NINL: variants seen among roughly 807,000 people sequenced by gnomAD.
NINL encodes ninein-like protein.
Under a neutral mutation model 160.3 loss-of-function variants are expected in NINL, and 153 were observed. The ratio of observed to expected loss-of-function variants is 0.95; its 90% confidence interval spans 0.84 to 1.09. The LOEUF is 1.09. Among genes scored for constraint, NINL ranks in the 50% least tolerant of loss-of-function variants. NINL has a pLI of 0.00. For synonymous variants in NINL, 800 were observed against 734.8 expected, an observed-to-expected ratio of 1.09 and a Z score of -1.43; for missense variants, 1,829 against 1,764.0, an observed-to-expected ratio of 1.04 and a Z score of -0.66.
chr20:25,457,504 G>A (rs979779651), intron 22 of NINL, among the ~76,000 whole-genome samples: 1 of 152,118 alleles, frequency 6.6e-6, no homozygotes, highest in African/African-American at 2.4e-5. Context: ...TCTTCTAGGG[G>A]GATTCTCCTT....
chr20:25,515,721 G>C (rs2064148766), intron 3 of NINL, among the ~76,000 whole-genome samples: 1 of 152,106 alleles, frequency 6.6e-6, no homozygotes, highest in Non-Finnish European at 1.5e-5. Flanking sequence ...TTTTGTGACA[G>C]TGAGTGAGTT....
At chr20:25,479,333 GC>G in intron 15 of NINL, 127 bp from the exon 16 acceptor site, 1 of 1,224,626 alleles carries the variant, frequency 8.2e-7, no homozygotes, top group Non-Finnish European at 1.1e-6. Flanking sequence ...CTGCCGAGGT[GC>G]CAGGGTGTGC....
intron 23 of NINL, among the ~76,000 whole-genome samples, chr20:25,454,517 C>T (rs557805104): frequency 1.4e-4 from 22 of 152,272 alleles, no homozygotes; most frequent in Admixed American, 9.2e-4. Flanking sequence ...TGGGCAAGGA[C>T]GGGTGGCCCC....
rs758698114 is a variant in NINL at position 25,526,570 on chromosome 20, G to C, written c.18C>G (p.Asn6Lys). 2.5e-6 allele frequency: 4 copies of C among 1,614,062 alleles called. No homozygotes were observed. The highest frequency in any genetic ancestry group is 8.5e-7 in the Non-Finnish European group (1 of 1,179,912). MDEEE[N>K]HYVSQLREVY... ...CTTCCCTGAGCTGCGAGACATAGTG[G>C]TTCTCTTCTTCATCCATCCCATAGC... is the stretch of plus-strand genomic sequence containing the variant. The change falls in exon 2 of 24, where the codon AAC becomes AAG. Residue 6 changes from asparagine to lysine, a missense_variant. By Grantham distance (94) the Asn-to-Lys change is moderately conservative (BLOSUM62 0). Coordinates refer to ENST00000278886, the MANE Select transcript of NINL (RefSeq NM_025176.6).
chr20:25,500,965 C>CGAGG lies in NINL; in HGVS notation c.903_906dup (p.Val303ProfsTer15). 1 of 1,614,188 alleles carries CGAGG rather than the reference C, an allele frequency of 6.2e-7. No homozygotes were observed. The highest frequency in any genetic ancestry group is 8.5e-7 in the Non-Finnish European group (1 of 1,180,042). On this transcript the variant is annotated frameshift_variant, in exon 8 of 24. Coordinates refer to ENST00000278886, the MANE Select transcript of NINL (RefSeq NM_025176.6). LOFTEE classifies it high-confidence loss of function. The stretch of plus-strand genomic sequence containing the variant: ...AGGCGCAGGCTGGAGCACAGGGACA[C>CGAGG]GAGGGATGAGGTTGTGGTGGTGTGG...
chr20:25,527,014 A>T (rs1263387317), intron 1 of NINL, among the ~76,000 whole-genome samples: 2 of 152,206 alleles, frequency 1.3e-5, no homozygotes, highest in African/African-American at 4.8e-5. Context: ...TGGGCAGCAG[A>T]GTGAAACCCT....
intron 16 of NINL, among the ~76,000 whole-genome samples, chr20:25,477,503 C>T (rs1452481211): frequency 1.3e-5 from 2 of 152,208 alleles, no homozygotes; most frequent in Non-Finnish European, 2.9e-5. Context: ...GACCCAGAGC[C>T]AAAACTGTCC....
intron 1 of NINL, among the ~76,000 whole-genome samples, chr20:25,584,758 G>A (rs56791487): frequency 0.032 from 4,872 of 152,216 alleles, 237 homozygotes; most frequent in African/African-American, 0.11. Context: ...CAAACATACA[G>A]CCCCACACAG....
At chr20:25,564,310 C>A (rs1010267717) in intron 1 of NINL, among the ~76,000 whole-genome samples, 2 of 151,934 alleles carry the variant, frequency 1.3e-5, no homozygotes, top group African/African-American at 2.4e-5. Context: ...CTACCACACC[C>A]AGCTAATTAA....
At chr20:25,480,067 C>G in intron 15 of NINL, 94 bp downstream of exon 15, 4 of 870,924 alleles carry the variant, frequency 4.6e-6, no homozygotes, top group Non-Finnish European at 5.8e-6. Flanking sequence ...GATTCCAGGG[C>G]AGACGCATGT....
At chr20:25,505,931 T>C (rs1402295709) in intron 5 of NINL, among the ~76,000 whole-genome samples, 1 of 152,246 alleles carries the variant, frequency 6.6e-6, no homozygotes, top group African/African-American at 2.4e-5. Context: ...AAATTCTTTC[T>C]GAAGAGAACC....
intron 1 of NINL, among the ~76,000 whole-genome samples, chr20:25,548,183 G>C (rs1385225569): frequency 6.6e-6 from 1 of 152,182 alleles, no homozygotes; most frequent in East Asian, 1.9e-4. Context: ...GGGGGGTTCT[G>C]CTGCACTCCT....
chr20:25,560,059 C>T (rs2064916319), intron 1 of NINL, among the ~76,000 whole-genome samples: 1 of 152,200 alleles, frequency 6.6e-6, no homozygotes, highest in Non-Finnish European at 1.5e-5. Context: ...CGATCTTCCA[C>T]CCCAGACTCC....
intron 5 of NINL, 88 bp downstream of exon 5, chr20:25,510,586 G>C: frequency 1.8e-6 from 2 of 1,139,164 alleles, no homozygotes; most frequent in Non-Finnish European, 2.7e-6. Flanking sequence ...TTAAACTTGT[G>C]GTTGCACACT....
chr20:25,533,765 TA>T lies in NINL; in HGVS notation c.-11-7168del, dbSNP rs1247378868. Among the ~76,000 whole-genome samples the T allele has an allele frequency of 2.0e-5, 3 of 152,322 alleles. No homozygotes were observed. In the East Asian group the frequency reaches 5.8e-4, roughly 29 times the overall value. On this transcript the variant is annotated intron_variant, in intron 1 of 23. Transcript: ENST00000278886. Reference sequence around the variant, plus strand: ...TCAGTTTAACCCTTGCTTTCTACAATATACAAAAATTAACTTTTGTAAAATT... The same window carrying T: ...TCAGTTTAACCCTTGCTTTCTACAATTACAAAAATTAACTTTTGTAAAATT...
intron 10 of NINL, among the ~76,000 whole-genome samples, chr20:25,494,384 A>G (rs562385429): frequency 6.6e-6 from 1 of 151,660 alleles, no homozygotes; most frequent in African/African-American, 2.4e-5. Flanking sequence ...ATGGCACCCC[A>G]TGGGCCCCAT....
chr20:25,479,371 G>A (rs2146552505), intron 15 of NINL, among the ~76,000 whole-genome samples, 165 bp from the exon 16 acceptor site: 1 of 152,334 alleles, frequency 6.6e-6, no homozygotes, highest in South Asian at 2.1e-4. Context: ...ATGAATGTTG[G>A]TGGTGCTCCC....
chr20:25,520,502 G>GC (rs1433682019), intron 2 of NINL, among the ~76,000 whole-genome samples: 3 of 152,064 alleles, frequency 2.0e-5, no homozygotes, highest in Non-Finnish European at 4.4e-5. Flanking sequence ...CTTATTTTCT[G>GC]CCCCCCAGTT....
intron 5 of NINL, among the ~76,000 whole-genome samples, chr20:25,510,100 G>A (rs115031378): frequency 0.017 from 2,520 of 152,350 alleles, 71 homozygotes; most frequent in African/African-American, 0.058. Flanking sequence ...CCCCTTGCAC[G>A]CTGCACAGCG....
Sources: gnomAD v4.1 joint callset for allele counts (sites outside exome capture counted in the v4.1 genomes callset) on GRCh38, gnomAD v4.1.1 for gene constraint, MANE v1.5 for transcripts, NCBI Gene and HGNC (gene_info 2026-07-23, HGNC 2026-07-21) for gene names.